UBAP2: variants seen among roughly 807,000 people sequenced by gnomAD.
UBAP2 encodes the protein ubiquitin-associated protein 2.
A neutral mutation model predicts 139.6 loss-of-function variants in UBAP2; 75 were observed. The ratio of observed to expected loss-of-function variants is 0.54; its 90% confidence interval spans 0.45 to 0.65. The LOEUF (loss-of-function observed/expected upper bound fraction) is 0.65, where lower values mean the gene tolerates loss of function less well. UBAP2 is among the 30% of genes least tolerant of loss of function. UBAP2 has a pLI of 0.00. For synonymous variants in UBAP2, 526 were observed against 526.2 expected (o/e 1.00, Z 0.01); for missense variants, 1,368 against 1,369.6 (o/e 1.00, Z 0.02).
intron 8 of UBAP2, among the ~76,000 whole-genome samples, chr9:33,964,874 G>A (rs1827329586): frequency 6.6e-6 from 1 of 152,064 alleles, no homozygotes; most frequent in East Asian, 1.9e-4. Flanking sequence ...TTCCCACCAG[G>A]CATGTATATG....
chr9:34,016,728 G>A (rs1026282611), intron 2 of UBAP2, among the ~76,000 whole-genome samples: 2 of 151,042 alleles, frequency 1.3e-5, no homozygotes, highest in African/African-American at 4.9e-5. Context: ...GCTAATTTTT[G>A]TATTTTCTTA....
intron 2 of UBAP2, among the ~76,000 whole-genome samples, chr9:34,006,636 C>T (rs1164988418): frequency 2.6e-5 from 4 of 151,662 alleles, no homozygotes; most frequent in African/African-American, 7.3e-5. Context: ...TGAGCATGAC[C>T]GTGCCACTGC....
intron 1 of UBAP2, among the ~76,000 whole-genome samples, chr9:34,026,066 A>G (rs1036610026): frequency 6.6e-6 from 1 of 152,246 alleles, no homozygotes; most frequent in Admixed American, 6.6e-5. Flanking sequence ...ACGGTCGGGT[A>G]AAAACTTTTC....
intron 3 of UBAP2, chr9:33,998,013 C>G (rs1822341552): frequency 6.6e-6 from 1 of 152,156 alleles, no homozygotes. Context: ...GAAATTAAGA[C>G]TAAGTTATCA....
intron 2 of UBAP2, among the ~76,000 whole-genome samples, chr9:34,010,122 TAAAAA>T (rs572189269): frequency 2.4e-5 from 3 of 125,168 alleles, no homozygotes; most frequent in Non-Finnish European, 3.3e-5. Context: ...TCCTGTCTAT[TAAAAA>T]AAAAAAAAAA....
chr9:33,930,408 G>T (rs1419827087), intron 19 of UBAP2, among the ~76,000 whole-genome samples: 1 of 152,004 alleles, frequency 6.6e-6, no homozygotes, highest in Non-Finnish European at 1.5e-5. Flanking sequence ...CTAAATGGAC[G>T]GCTGCTTAAA....
At chr9:33,926,362 G>C (rs112917667) in intron 22 of UBAP2, among the ~76,000 whole-genome samples, 1,785 of 152,250 alleles carry the variant, frequency 0.012, 34 homozygotes, top group African/African-American at 0.04. Context: ...ATTTAACAGG[G>C]GACATGGCCT....
intron 12 of UBAP2, 148 bp from the exon 13 acceptor site, chr9:33,948,735 T>G: frequency 1.7e-6 from 1 of 601,856 alleles, no homozygotes; most frequent in Non-Finnish European, 2.8e-6. Context: ...AAATACTACA[T>G]GAAAATATTA....
chr9:33,969,249 G>A (rs1329044864), intron 8 of UBAP2, among the ~76,000 whole-genome samples: 2 of 152,066 alleles, frequency 1.3e-5, no homozygotes, highest in Non-Finnish European at 2.9e-5. Context: ...GATTTGACTT[G>A]TTTTTTAAAA....
At chr9:33,999,267 C>T (rs1019789949) in intron 2 of UBAP2, among the ~76,000 whole-genome samples, 3 of 148,954 alleles carry the variant, frequency 2.0e-5, no homozygotes, top group African/African-American at 5.0e-5. Context: ...CCCAGGAGTT[C>T]GAAATTAGCC....
chr9:33,962,416 G>A lies in UBAP2; in HGVS notation c.745+1310C>T, dbSNP rs528543168. Among the ~76,000 whole-genome samples the A allele has an allele frequency of 1.2e-4, 18 of 152,158 alleles. No homozygotes were observed. The South Asian group carries it at 3.7e-3, about 32-fold the overall frequency. ...TAATCCCAGCACTTTGGGAGGCCGAGGTGGGTGGATCACGAGGTCAGGAGT... is the reference window on the plus strand; with the variant it reads ...TAATCCCAGCACTTTGGGAGGCCGAAGTGGGTGGATCACGAGGTCAGGAGT... On this transcript the variant is annotated intron_variant, in intron 9 of 28. Transcript: ENST00000379238.
At chr9:33,958,452 C>G (rs1026132689) in intron 10 of UBAP2, among the ~76,000 whole-genome samples, 1 of 151,810 alleles carries the variant, frequency 6.6e-6, no homozygotes, top group Non-Finnish European at 1.5e-5. Flanking sequence ...TTCTTGCTGC[C>G]CAGGCTGGAG....
intron 16 of UBAP2, among the ~76,000 whole-genome samples, chr9:33,936,926 C>CAAAAAA (rs66465145): frequency 5.0e-5 from 3 of 59,794 alleles, no homozygotes; most frequent in Non-Finnish European, 8.4e-5. Flanking sequence ...AACTCCAGCT[C>CAAAAAA]AAAAAAAAAA....
intron 1 of UBAP2, among the ~76,000 whole-genome samples, 197 bp downstream of exon 1, chr9:34,048,628 G>C (rs1195530351): frequency 1.3e-5 from 2 of 152,156 alleles, no homozygotes; most frequent in Non-Finnish European, 2.9e-5. Context: ...GAGGGGAAGA[G>C]GAAGGAGGGA....
intron 1 of UBAP2, among the ~76,000 whole-genome samples, chr9:34,035,514 A>AAAAAAAAAAAAATATATATAT: frequency 1.5e-3 from 33 of 22,486 alleles, no homozygotes; most frequent in Non-Finnish European, 2.2e-3. Flanking sequence ...AAAAAAAAAA[A>AAAAAAAAAAAAATATATATAT]ATATATATAT....
intron 28 of UBAP2, 36 bp from the exon 29 acceptor site, chr9:33,922,635 G>C: frequency 6.2e-7 from 1 of 1,602,230 alleles, no homozygotes; most frequent in Non-Finnish European, 8.5e-7. Context: ...GTCAAGGCTG[G>C]AGCAGAACCC....
intron 2 of UBAP2, among the ~76,000 whole-genome samples, chr9:34,001,467 G>A (rs540689666): frequency 5.1e-4 from 77 of 152,312 alleles, no homozygotes; most frequent in Non-Finnish European, 7.8e-4. Context: ...TAGACTTAGA[G>A]TCACAAGAGT....
Position 33,927,778 on chromosome 9 carries a change from A to G in UBAP2, c.2371+19T>C. The G allele has an allele frequency of 6.3e-7, 1 of 1,592,954 alleles. No individual in the cohort carries two copies. The highest frequency in any genetic ancestry group is 1.1e-5 in the South Asian group (1 of 87,412). ...TGAGGGGCTCAGGGGTGGGCAGGAAAGGCCTCTGGAGCAAATACCTGAGGT... is the reference window on the plus strand; with the variant it reads ...TGAGGGGCTCAGGGGTGGGCAGGAAGGGCCTCTGGAGCAAATACCTGAGGT... On this transcript the variant is annotated intron_variant, in intron 20 of 28. Coordinates refer to ENST00000379238, the MANE Select transcript of UBAP2 (RefSeq NM_001370062.2).
At chr9:34,042,332 G>C (rs749105679) in intron 1 of UBAP2, among the ~76,000 whole-genome samples, 3 of 151,806 alleles carry the variant, frequency 2.0e-5, no homozygotes, top group Non-Finnish European at 2.9e-5. Flanking sequence ...CAAAAAATTA[G>C]CCAGGCGTGG....
Sources: allele counts gnomAD v4.1 joint callset (sites outside exome capture counted in the v4.1 genomes callset), GRCh38; gene constraint gnomAD v4.1.1; transcripts MANE v1.5; gene names NCBI Gene and HGNC (gene_info 2026-07-23, HGNC 2026-07-21).